Variants in MOV10 observed in about 807,000 individuals in gnomAD.
MOV10 encodes the protein Mov10 RNA helicase.
Under a neutral mutation model 108.4 loss-of-function variants are expected in MOV10, and 39 were observed. The ratio of observed to expected loss-of-function variants is 0.36; its 90% CI spans 0.28 to 0.47. MOV10 has a LOEUF of 0.47. Among genes scored for constraint, MOV10 ranks in the 20% least tolerant of loss-of-function variants. The probability of loss-of-function intolerance (pLI) is 1.00; values close to 1 mark genes in which losing one functional copy is unlikely to be tolerated. For synonymous variants in MOV10, 490 were observed against 523.1 expected, an observed-to-expected ratio of 0.94 and a Z score of 0.86; for missense variants, 952 against 1,297.6, an observed-to-expected ratio of 0.73 and a Z score of 4.09.
chr1:112,677,485 C>T (rs2101239038), intron 2 of MOV10, among the ~76,000 whole-genome samples: 1 of 152,002 alleles, frequency 6.6e-6, no homozygotes, highest in East Asian at 1.9e-4. Flanking sequence ...TCTCTGGGCT[C>T]TCATGGCTCA....
chr1:112,697,218 G>A (rs1400407878), intron 14 of MOV10, among the ~76,000 whole-genome samples: 1 of 152,140 alleles, frequency 6.6e-6, no homozygotes, highest in Non-Finnish European at 1.5e-5. Context: ...CACTTTGGGA[G>A]GCCAAGGTAG....
chr1:112,689,001 C>T lies in MOV10; in HGVS notation c.204C>T (p.Tyr68=), dbSNP rs773210801. The stretch of plus-strand genomic sequence containing the variant: ...GAATGAAGATTGCAAATCTGGCCTA[C>T]GTCACCAAGACTCGGGTCAGGTTCT... ...LYGMKIANLA[Y]VTKTRVRFFR... is the part of the protein sequence containing the mutation. Residue 68 remains tyrosine (Y), a synonymous_variant, in exon 3 of 21, where the codon TAC becomes TAT. Transcript: ENST00000369645. 19 of 1,612,468 alleles carry T rather than the reference C, an allele frequency of 1.2e-5. No homozygotes were observed. The highest frequency in any genetic ancestry group is 8.9e-5 in the East Asian group (4 of 44,900).
At chr1:112,676,267 A>G (rs1177498839) in intron 2 of MOV10, among the ~76,000 whole-genome samples, 1 of 152,244 alleles carries the variant, frequency 6.6e-6, no homozygotes, top group Non-Finnish European at 1.5e-5. Context: ...TACACAATAT[A>G]GGATAGTACA....
chr1:112,678,815 G>A lies in MOV10; in HGVS notation c.137+3766G>A, dbSNP rs78326096. On this transcript the variant is annotated intron_variant, in intron 2 of 20. Transcript: ENST00000369645. ...GAAAATTTCAAAGTAAGAGTCTGAC[G>A]TAATCAGATTTAGAAAGATCATTCT... Among the ~76,000 whole-genome samples the A allele has an allele frequency of 4.0e-3, 610 of 152,090 alleles. 24 individuals are homozygous for A. The East Asian group carries it at 0.085, about 21-fold the overall frequency.
intron 2 of MOV10, 65 bp from the exon 3 acceptor site, chr1:112,688,869 AC>A: frequency 6.2e-7 from 1 of 1,602,766 alleles, no homozygotes. Flanking sequence ...GCCCTTTCCC[AC>A]CCGCCGCCCT....
At chr1:112,689,294 G>A in intron 3 of MOV10, 121 bp from the exon 4 acceptor site, 1 of 1,217,246 alleles carries the variant, frequency 8.2e-7, no homozygotes, top group Non-Finnish European at 1.2e-6. Flanking sequence ...GCTGGGAGGG[G>A]GTGAGTTTCC....
rs541372520 is a variant in MOV10, at chr1:112,675,353, G to T, written c.137+304G>T. On this transcript the variant is annotated intron_variant, in intron 2 of 20. Coordinates refer to ENST00000369645, the MANE Select transcript of MOV10 (RefSeq NM_001321324.2). This position sits in a 1 kb window ranked among gnomAD's most constrained non-coding sequence, Gnocchi z 4.7. Reference sequence around the variant, plus strand: ...GCCGGGAGCTGCGTCCCGCGTCCATGCGCCGCTCGCGGGGGCTGAGGGACA... The same window carrying T: ...GCCGGGAGCTGCGTCCCGCGTCCATTCGCCGCTCGCGGGGGCTGAGGGACA... 2.6e-5 allele frequency among the ~76,000 whole-genome samples: 4 copies of T among 152,268 alleles called. No homozygotes were observed. The East Asian group carries it at 7.8e-4, about 30-fold the overall frequency.
chr1:112,695,779 A>G (rs1387174116), intron 11 of MOV10, among the ~76,000 whole-genome samples: 1 of 152,106 alleles, frequency 6.6e-6, no homozygotes. Flanking sequence ...AGTGGCTTAC[A>G]CTTGTAATCC....
chr1:112,698,584 C>A, intron 16 of MOV10, 106 bp downstream of exon 16: 1 of 1,439,048 alleles, frequency 6.9e-7, no homozygotes, highest in Non-Finnish European at 9.7e-7. Flanking sequence ...CCTCTGCTGG[C>A]TCCGTATCTC....
At position 112,694,639 on chromosome 1, in the gene MOV10, T is replaced by G. The variant is rs1437764815; in HGVS notation, c.1472+10T>G. 7.5e-6 allele frequency: 12 copies of G among 1,594,692 alleles called. No individual in the cohort carries two copies. Among genetic ancestry groups the G allele is most frequent in the Non-Finnish European group, 1.0e-5 (12 of 1,168,860 alleles). ...CAGATGTGAAACTCAAGTGAGACTG[T>G]GGGCAGGGAGCTTCTGGAGCCACTT... On this transcript the variant is annotated intron_variant, in intron 9 of 20. Transcript: ENST00000369645. The surrounding 1 kb of genome is among the most constrained non-coding windows in gnomAD (Gnocchi z 4.1).
intron 14 of MOV10, 73 bp from the exon 15 acceptor site, chr1:112,697,921 G>A: frequency 1.6e-6 from 2 of 1,241,652 alleles, no homozygotes; most frequent in African/African-American, 1.5e-5. Flanking sequence ...GGCCCAGAGT[G>A]GGTAGAGCGG....
At chr1:112,681,159 C>T (rs1570755613) in intron 2 of MOV10, among the ~76,000 whole-genome samples, 1 of 152,112 alleles carries the variant, frequency 6.6e-6, no homozygotes, top group East Asian at 1.9e-4. Flanking sequence ...CTCTTGATAT[C>T]AATCAGGGTG....
chr1:112,690,036 G>A lies in MOV10; in HGVS notation c.774G>A (p.Arg258=), dbSNP rs373179904. The A allele has an allele frequency of 1.2e-4, 196 of 1,613,970 alleles. No homozygotes were observed. The Middle Eastern group carries it at 1.3e-3, about 11-fold the overall frequency. ...TGAAGCCCATGACTCCCTTCAAGCG[G>A]ACCCGGATCACCGGAAACCCTGTGG... ...AQLKPMTPFK[R]TRITGNPVVT... Residue 258 remains arginine (R), a synonymous_variant, in exon 5 of 21, where the codon CGG becomes CGA. Transcript: ENST00000369645.
At chr1:112,696,904 G>A in intron 14 of MOV10, 58 bp downstream of exon 14, 1 of 1,376,836 alleles carries the variant, frequency 7.3e-7, no homozygotes, top group Non-Finnish European at 1.0e-6. Flanking sequence ...CCTGCATGCA[G>A]ACCCCACTGG....
chr1:112,700,574 C>A lies in MOV10; in HGVS notation c.*67C>A. ...TGCCTGCCTGACCCTGAACCAGAAC[C>A]CAGCTGAACTGCCCCTCCAAGGGAC... On this transcript the variant is annotated 3_prime_UTR_variant, in exon 21 of 21. Coordinates refer to ENST00000369645, the MANE Select transcript of MOV10 (RefSeq NM_001321324.2). 1.9e-6 allele frequency: 3 copies of A among 1,590,450 alleles called. No homozygotes were observed. Among genetic ancestry groups the A allele is most frequent in the Non-Finnish European group, 2.6e-6 (3 of 1,168,366 alleles).
chr1:112,686,951 T>C, intron 2 of MOV10: 1 of 456,498 alleles, frequency 2.2e-6, no homozygotes, highest in Non-Finnish European at 4.4e-6. Flanking sequence ...TTCTAACTGG[T>C]CTCCCTGCCT....
chr1:112,700,669 A>G lies in MOV10; in HGVS notation c.*162A>G. ...CCTCCCCTGCTGGGGAGAATGACACATCAAGCTGCTAACAATTGGGGGAAG... is the reference window on the plus strand; with the variant it reads ...CCTCCCCTGCTGGGGAGAATGACACGTCAAGCTGCTAACAATTGGGGGAAG... On this transcript the variant is annotated 3_prime_UTR_variant, in exon 21 of 21. Transcript: ENST00000369645. The G allele has an allele frequency of 6.5e-7, 1 of 1,533,558 alleles. No individual in the cohort carries two copies. The highest frequency in any genetic ancestry group is 2.4e-5 in the East Asian group (1 of 40,820). The allele number at this position is 1,533,558 out of a possible 1,614,324, so 95.0% of individuals were successfully genotyped here.
At chr1:112,683,946 A>AATTTT (rs1022741546) in intron 2 of MOV10, among the ~76,000 whole-genome samples, 2 of 151,694 alleles carry the variant, frequency 1.3e-5, no homozygotes, top group Admixed American at 1.3e-4. Flanking sequence ...TTTAAATTTA[A>AATTTT]ATTTTATTTT....
intron 17 of MOV10, 199 bp from the exon 18 acceptor site, chr1:112,699,486 G>T: frequency 7.0e-7 from 1 of 1,429,198 alleles, no homozygotes; most frequent in South Asian, 1.5e-5. Context: ...GCCCTCAGCA[G>T]GATTCAACCT....
Sources: allele counts gnomAD v4.1 joint callset (sites outside exome capture counted in the v4.1 genomes callset), GRCh38; gene constraint gnomAD v4.1.1; non-coding constraint Gnocchi (gnomAD v3.1); transcripts MANE v1.5; gene names NCBI Gene and HGNC (gene_info 2026-07-23, HGNC 2026-07-21).